TAFA1: variants seen among roughly 807,000 people sequenced by gnomAD.
TAFA1 encodes the protein chemokine-like protein TAFA-1.
Under a neutral mutation model 18.5 loss-of-function variants are expected in TAFA1, and 4 were observed. The ratio of observed to expected loss-of-function variants is 0.22; its 90% confidence interval spans 0.11 to 0.49. The LOEUF (loss-of-function observed/expected upper bound fraction) is 0.49, where lower values mean the gene tolerates loss of function less well. TAFA1 is among the 20% of genes least tolerant of loss of function. The pLI is 0.98. For missense variants in TAFA1, 147 were observed against 169.0 expected (o/e 0.87, Z 0.72); for synonymous variants, 56 against 55.2 (o/e 1.01, Z -0.06).
chr3:68,338,848 G>A (rs2106747893), intron 2 of TAFA1, among the ~76,000 whole-genome samples: 1 of 152,306 alleles, frequency 6.6e-6, no homozygotes, highest in Non-Finnish European at 1.5e-5. Context: ...TTATGGGTTG[G>A]TGAGTTGTCT....
chr3:68,178,639 C>T (rs2066156960), intron 2 of TAFA1, among the ~76,000 whole-genome samples: 1 of 152,176 alleles, frequency 6.6e-6, no homozygotes, highest in Non-Finnish European at 1.5e-5. Flanking sequence ...GATATATATG[C>T]CCTGGGGCGG....
intron 3 of TAFA1, among the ~76,000 whole-genome samples, chr3:68,511,254 C>T (rs890744021): frequency 1.3e-5 from 2 of 152,050 alleles, no homozygotes; most frequent in African/African-American, 4.8e-5. Context: ...AAGGCTCAGC[C>T]TTGGTGTGAT....
intron 2 of TAFA1, among the ~76,000 whole-genome samples, chr3:68,177,396 A>C (rs114672112): frequency 0.011 from 1,651 of 152,272 alleles, 33 homozygotes; most frequent in African/African-American, 0.038. Context: ...AAACCTCACT[A>C]ATGAAAAAAG....
chr3:68,229,461 A>T (rs2066844048), intron 2 of TAFA1, among the ~76,000 whole-genome samples: 1 of 152,222 alleles, frequency 6.6e-6, no homozygotes, highest in South Asian at 2.1e-4. Context: ...ATGGGATTTT[A>T]AAAATCCCAA....
At chr3:68,513,960 A>G (rs2106735336) in intron 3 of TAFA1, among the ~76,000 whole-genome samples, 1 of 152,302 alleles carries the variant, frequency 6.6e-6, no homozygotes, top group African/African-American at 2.4e-5. Context: ...TATTTCTCAC[A>G]GTTGTGGAAG....
intron 2 of TAFA1, among the ~76,000 whole-genome samples, chr3:68,207,212 G>T (rs2066539142): frequency 6.6e-6 from 1 of 151,690 alleles, no homozygotes; most frequent in Non-Finnish European, 1.5e-5. Flanking sequence ...GTGACATTTT[G>T]GTAACCAAGA....
In TAFA1 at chr3:68,197,332, A is replaced by G. The variant is rs559702798; in HGVS notation, c.118+190588A>G. Among the ~76,000 whole-genome samples, 20 of 151,876 alleles carry G rather than the reference A, an allele frequency of 1.3e-4. 1 individual carries two copies. The highest frequency in any genetic ancestry group is 3.9e-4 in the African/African-American group (16 of 41,508). On this transcript the variant is annotated intron_variant, in intron 2 of 4. Transcript: ENST00000478136. ...TTTTTAAAATAAAATTATGAAATGA[A>G]AGAGAAATAAGTGGGTATGGTATGG... is the stretch of plus-strand genomic sequence containing the variant.
intron 2 of TAFA1, among the ~76,000 whole-genome samples, chr3:68,297,027 T>C (rs879269177): frequency 6.6e-6 from 1 of 151,922 alleles, no homozygotes; most frequent in South Asian, 2.1e-4. Flanking sequence ...ATCTTGCAGG[T>C]AGATGGAACA....
At chr3:68,022,915 C>T (rs959127425) in intron 2 of TAFA1, among the ~76,000 whole-genome samples, 1 of 142,172 alleles carries the variant, frequency 7.0e-6, no homozygotes, top group Admixed American at 7.0e-5. Flanking sequence ...GCTAATCATT[C>T]TATATTATTT....
At chr3:68,518,859 T>A (rs982545349) in intron 3 of TAFA1, among the ~76,000 whole-genome samples, 19 of 152,216 alleles carry the variant, frequency 1.2e-4, no homozygotes. Context: ...AAATGTCAGA[T>A]GAGTACAACA....
chr3:68,466,996 C>T (rs1279295218), intron 3 of TAFA1, among the ~76,000 whole-genome samples: 1 of 151,984 alleles, frequency 6.6e-6, no homozygotes, highest in East Asian at 1.9e-4. Context: ...CATTCTTTTC[C>T]CAGGGCTGTT....
intron 2 of TAFA1, among the ~76,000 whole-genome samples, chr3:68,175,491 C>T (rs2106969614): frequency 6.6e-6 from 1 of 152,338 alleles, no homozygotes. Context: ...GCATGTGAGA[C>T]ATGGATTCAA....
At chr3:68,481,071 C>T (rs564731486) in intron 3 of TAFA1, among the ~76,000 whole-genome samples, 1 of 152,180 alleles carries the variant, frequency 6.6e-6, no homozygotes, top group Admixed American at 6.5e-5. Flanking sequence ...CATTAAACCT[C>T]TTTTCTTTAT....
intron 2 of TAFA1, among the ~76,000 whole-genome samples, chr3:68,021,193 A>AAG (rs1704682460): frequency 7.1e-6 from 1 of 140,950 alleles, no homozygotes; most frequent in East Asian, 2.6e-4. Context: ...CTCAAAAAAA[A>AAG]AAAAAAAAAA....
Position 68,186,486 on chromosome 3 carries a change from C to T in TAFA1, c.118+179742C>T, listed in dbSNP as rs943222918. On this transcript the variant is annotated intron_variant, in intron 2 of 4. Transcript: ENST00000478136. ...GAATGAAACCTATGTTTTACTAAGA[C>T]GTGAGAACTGAAGTTAGACTTTTGT... 7.2e-5 allele frequency among the ~76,000 whole-genome samples: 11 copies of T among 152,078 alleles called. No individual in the cohort carries two copies. In the South Asian group the frequency reaches 1.4e-3, roughly 20 times the overall value.
chr3:68,459,504 G>A (rs2071734147), intron 3 of TAFA1, among the ~76,000 whole-genome samples: 1 of 151,906 alleles, frequency 6.6e-6, no homozygotes, highest in Admixed American at 6.6e-5. Flanking sequence ...AGAAGAATAA[G>A]TAATGATTCA....
At chr3:68,309,841 G>C (rs2068485215) in intron 2 of TAFA1, among the ~76,000 whole-genome samples, 1 of 152,022 alleles carries the variant, frequency 6.6e-6, no homozygotes, top group South Asian at 2.1e-4. Context: ...TCACTTCCTT[G>C]GTGTTAATAT....
At chr3:68,195,577 A>G (rs1452315542) in intron 2 of TAFA1, among the ~76,000 whole-genome samples, 1 of 151,326 alleles carries the variant, frequency 6.6e-6, no homozygotes, top group Non-Finnish European at 1.5e-5. Flanking sequence ...GCTCCTTGGC[A>G]TCTGGTGGGT....
At chr3:68,340,461 T>C (rs1040600380) in intron 2 of TAFA1, among the ~76,000 whole-genome samples, 1 of 152,214 alleles carries the variant, frequency 6.6e-6, no homozygotes, top group Admixed American at 6.5e-5. Flanking sequence ...ATGGTAGAAA[T>C]AGTCTCTCCT....
Sources: gnomAD v4.1 joint callset for allele counts (sites outside exome capture counted in the v4.1 genomes callset) on GRCh38, gnomAD v4.1.1 for gene constraint, MANE v1.5 for transcripts, NCBI Gene and HGNC (gene_info 2026-07-23, HGNC 2026-07-21) for gene names.